Variants in IFT25 observed in about 807,000 individuals in gnomAD.
IFT25 encodes intraflagellar transport protein 25 homolog.
At chr1:53,912,853 T>A in the IFT25 span, among the ~76,000 whole-genome samples, 2 of 152,142 alleles carry the variant, frequency 1.3e-5, no homozygotes, top group African/African-American at 4.8e-5. Context: ...ATCTCCAGAG[T>A]TTACGATTCG....
At chr1:53,924,006 A>C in the IFT25 span, 1 of 1,064,314 alleles carries the variant, frequency 9.4e-7, no homozygotes, top group Non-Finnish European at 1.4e-6. Context: ...GAGAATAGCT[A>C]TTGAAATTTA....
the IFT25 span, chr1:53,921,885 T>C: frequency 4.6e-6 from 3 of 649,616 alleles, no homozygotes; most frequent in Non-Finnish European, 8.3e-6. Flanking sequence ...TAACAACACA[T>C]AAGGCCAGCT....
chr1:53,942,012 G>A, the IFT25 span, among the ~76,000 whole-genome samples: 4 of 152,276 alleles, frequency 2.6e-5, no homozygotes, highest in South Asian at 8.3e-4. Context: ...GGAAGAAAAT[G>A]AACTTGTGGA....
At chr1:53,928,358 G>A in the IFT25 span, 2 of 1,596,762 alleles carry the variant, frequency 1.3e-6, no homozygotes, top group Non-Finnish European at 1.7e-6. Context: ...GAACAATGCT[G>A]GTGAAACACA....
At chr1:53,916,383 G>A in the IFT25 span, among the ~76,000 whole-genome samples, 1 of 152,192 alleles carries the variant, frequency 6.6e-6, no homozygotes, top group Non-Finnish European at 1.5e-5. Flanking sequence ...GTGTTCTACA[G>A]TCATCAATTG....
the IFT25 span, among the ~76,000 whole-genome samples, chr1:53,924,123 C>T: frequency 6.6e-6 from 1 of 151,508 alleles, no homozygotes; most frequent in African/African-American, 2.4e-5. Context: ...ATACACAAGG[C>T]AAAAAAGATA....
At chr1:53,920,745 T>C in the IFT25 span, among the ~76,000 whole-genome samples, 6 of 152,324 alleles carry the variant, frequency 3.9e-5, no homozygotes, top group African/African-American at 7.2e-5. Flanking sequence ...GGTGGGCAGA[T>C]TGCTTGAGCC....
At chr1:53,923,779 C>T in the IFT25 span, 30 of 655,196 alleles carry the variant, frequency 4.6e-5, no homozygotes, top group Admixed American at 4.1e-4. Context: ...CTTTCTCTAC[C>T]GGTTGATTTA....
the IFT25 span, among the ~76,000 whole-genome samples, chr1:53,932,798 T>G: frequency 5.9e-5 from 9 of 152,192 alleles, no homozygotes; most frequent in Non-Finnish European, 1.2e-4. Flanking sequence ...ACTCCTGAGC[T>G]CGGGCAATCC....
At chr1:53,930,052 G>A in the IFT25 span, 105 of 1,556,692 alleles carry the variant, frequency 6.7e-5, no homozygotes, top group South Asian at 1.1e-3. Context: ...AGTAACTTTG[G>A]ATTACAAGCC....
At chr1:53,916,552 A>C in the IFT25 span, 4 of 176,790 alleles carry the variant, frequency 2.3e-5, no homozygotes, top group Non-Finnish European at 4.7e-5. Context: ...ATTTCAATTT[A>C]GAAACTTGGC....
chr1:53,926,882 C>T, the IFT25 span, among the ~76,000 whole-genome samples: 2 of 152,094 alleles, frequency 1.3e-5, no homozygotes, highest in African/African-American at 4.8e-5. Flanking sequence ...GTCACCATCC[C>T]TGGCTAATTT....
chr1:53,932,561 T>C, the IFT25 span, among the ~76,000 whole-genome samples: 9 of 152,362 alleles, frequency 5.9e-5, no homozygotes, highest in African/African-American at 1.9e-4. Context: ...TTTCAGTGAA[T>C]GTTCAATATG....
the IFT25 span, among the ~76,000 whole-genome samples, chr1:53,941,625 C>G: frequency 6.6e-6 from 1 of 152,012 alleles, no homozygotes; most frequent in African/African-American, 2.4e-5. Context: ...CATTGTCAAG[C>G]CTTAGTTTTA....
At chr1:53,912,155 G>A in the IFT25 span, among the ~76,000 whole-genome samples, 2 of 152,170 alleles carry the variant, frequency 1.3e-5, no homozygotes, top group African/African-American at 2.4e-5. Flanking sequence ...CACAAAAGGA[G>A]ACAGGATGTA....
the IFT25 span, among the ~76,000 whole-genome samples, chr1:53,926,880 C>A: frequency 6.6e-6 from 1 of 151,966 alleles, no homozygotes; most frequent in Non-Finnish European, 1.5e-5. Context: ...ATGTCACCAT[C>A]CCTGGCTAAT....
the IFT25 span, among the ~76,000 whole-genome samples, chr1:53,930,653 C>T: frequency 0.02 from 3,069 of 152,148 alleles, 100 homozygotes; most frequent in African/African-American, 0.07. Context: ...CACTTCCTCC[C>T]TCTTTTGCAC....
At chr1:53,944,007 G>C in the IFT25 span, among the ~76,000 whole-genome samples, 1 of 152,182 alleles carries the variant, frequency 6.6e-6, no homozygotes, top group African/African-American at 2.4e-5. Flanking sequence ...CAAATGTTCA[G>C]TTCTTTTCTT....
At chr1:53,944,212 A>G in the IFT25 span, among the ~76,000 whole-genome samples, 2 of 152,192 alleles carry the variant, frequency 1.3e-5, no homozygotes, top group African/African-American at 4.8e-5. Flanking sequence ...AACCTTAGAG[A>G]AATCCATACA....
Sources: allele counts gnomAD v4.1 joint callset (sites outside exome capture counted in the v4.1 genomes callset), GRCh38; gene constraint gnomAD v4.1.1; transcripts MANE v1.5; gene names NCBI Gene and HGNC (gene_info 2026-07-23, HGNC 2026-07-21).